CDK13: variants seen among roughly 807,000 people sequenced by gnomAD.
CDK13 encodes cyclin-dependent kinase 13.
Under a neutral mutation model 137.6 loss-of-function variants are expected in CDK13, and 40 were observed. The ratio of observed to expected loss-of-function variants is 0.29; its 90% CI spans 0.23 to 0.38. The LOEUF is 0.38. Ranked by LOEUF, CDK13 falls within the 10% of genes least tolerant of loss-of-function variation. The probability of loss-of-function intolerance (pLI) is 1.00; values close to 1 mark genes in which losing one functional copy is unlikely to be tolerated. For missense variants in CDK13, 1,704 were observed against 1,951.8 expected (o/e 0.87, Z 2.39); for synonymous variants, 869 against 760.1 (o/e 1.14, Z -2.36).
At chr7:40,041,542 A>G (rs1190747132) in intron 5 of CDK13, among the ~76,000 whole-genome samples, 3 of 152,062 alleles carry the variant, frequency 2.0e-5, no homozygotes, top group East Asian at 1.9e-4. Context: ...AACTCGTAGC[A>G]TTTTTTAACT....
chr7:39,976,866 C>T (rs979504245), intron 1 of CDK13, among the ~76,000 whole-genome samples: 2 of 152,020 alleles, frequency 1.3e-5, no homozygotes, highest in African/African-American at 2.4e-5. Flanking sequence ...GACTGCTGTA[C>T]GGTATTTGTT....
intron 5 of CDK13, among the ~76,000 whole-genome samples, chr7:40,034,437 G>A (rs1785441889): frequency 6.6e-6 from 1 of 152,042 alleles, no homozygotes. Flanking sequence ...CCAGAAACCG[G>A]TCATCTGCAG....
chr7:40,010,736 C>T (rs866753618), intron 5 of CDK13, among the ~76,000 whole-genome samples: 7 of 152,140 alleles, frequency 4.6e-5, no homozygotes, highest in African/African-American at 1.4e-4. Flanking sequence ...ATCTGCTGTG[C>T]GGCCTGGTTC....
chr7:40,078,713 A>G lies in CDK13; in HGVS notation c.2898-7A>G, dbSNP rs1174868466. The G allele has an allele frequency of 6.8e-7, 1 of 1,475,008 alleles. No homozygotes were observed. Among genetic ancestry groups the G allele is most frequent in the Non-Finnish European group, 9.0e-7 (1 of 1,107,978 alleles). The allele number at this position is 1,475,008 out of a possible 1,614,324, so 91.4% of individuals were successfully genotyped here. On this transcript the variant is annotated splice_polypyrimidine_tract_variant and splice_region_variant and intron_variant, in intron 10 of 13. Transcript: ENST00000181839. ...CACATCTAACTTTTGTAATCCTCTC[A>G]TGCTAGTATTCCTGCAGCTGCGCTA...
intron 5 of CDK13, among the ~76,000 whole-genome samples, chr7:40,003,206 A>ACACACTCTCTCTCTCTCTCT (rs374470130): frequency 1.0e-4 from 8 of 79,902 alleles, no homozygotes; most frequent in African/African-American, 3.8e-4. Context: ...ACACACACAC[A>ACACACTCTCTCTCTCTCTCT]CTCTCTCTCT....
chr7:39,963,175 C>G (rs1454137749), intron 1 of CDK13, among the ~76,000 whole-genome samples: 1 of 152,038 alleles, frequency 6.6e-6, no homozygotes, highest in Non-Finnish European at 1.5e-5. Context: ...TCATTGGTAG[C>G]TTGATGGGGA....
At chr7:40,008,135 A>T (rs1393206732) in intron 5 of CDK13, among the ~76,000 whole-genome samples, 2 of 152,212 alleles carry the variant, frequency 1.3e-5, no homozygotes, top group African/African-American at 4.8e-5. Context: ...TGATTTGTTC[A>T]TTCTTTCTTT....
chr7:40,030,528 G>A (rs924919346), intron 5 of CDK13, among the ~76,000 whole-genome samples: 3 of 147,766 alleles, frequency 2.0e-5, no homozygotes, highest in Admixed American at 7.0e-5. Flanking sequence ...AGCCTCCTGA[G>A]CAGCTGGGAT....
chr7:40,077,620 C>G (rs1237838354), intron 9 of CDK13, among the ~76,000 whole-genome samples: 2 of 152,102 alleles, frequency 1.3e-5, no homozygotes, highest in East Asian at 1.9e-4. Context: ...TTTGGGAGGC[C>G]TAGGCAGGTG....
At chr7:40,061,913 T>A (rs1217711877) in intron 7 of CDK13, 1 of 152,218 alleles carries the variant, frequency 6.6e-6, no homozygotes, top group Non-Finnish European at 1.5e-5. Context: ...ATTTATGTCC[T>A]CTTTTCGGAA....
At chr7:40,012,637 G>A (rs1036573561) in intron 5 of CDK13, among the ~76,000 whole-genome samples, 5 of 151,714 alleles carry the variant, frequency 3.3e-5, no homozygotes, top group African/African-American at 1.2e-4. Flanking sequence ...TCTGAAGGCC[G>A]GGTGCAGTGG....
chr7:40,007,680 G>T (rs911624879), intron 5 of CDK13, among the ~76,000 whole-genome samples: 2 of 151,930 alleles, frequency 1.3e-5, no homozygotes, highest in Non-Finnish European at 2.9e-5. Flanking sequence ...CACCCACCTC[G>T]GCCTCCCAAA....
At chr7:39,983,568 A>G (rs1162291126) in intron 1 of CDK13, among the ~76,000 whole-genome samples, 1 of 152,200 alleles carries the variant, frequency 6.6e-6, no homozygotes, top group East Asian at 1.9e-4. Flanking sequence ...GATAAGATTC[A>G]CTGATTGTAA....
chr7:40,036,714 A>C (rs993369384), intron 5 of CDK13, among the ~76,000 whole-genome samples: 4 of 151,864 alleles, frequency 2.6e-5, no homozygotes, highest in Admixed American at 1.3e-4. Context: ...AAAAAAAAAA[A>C]CAAAAAACTC....
chr7:39,958,420 A>G (rs1369902449), intron 1 of CDK13, among the ~76,000 whole-genome samples: 2 of 152,202 alleles, frequency 1.3e-5, no homozygotes, highest in African/African-American at 2.4e-5. Flanking sequence ...CCGTTAGTAT[A>G]GAAAAGTATA....
In CDK13 at chr7:39,999,551, T is replaced by G. The variant is rs1204859397; in HGVS notation, c.2182+51T>G. 6.6e-6 allele frequency: 10 copies of G among 1,523,000 alleles called. No homozygotes were observed. The South Asian group carries it at 1.3e-4, about 19-fold the overall frequency. 94.3% of individuals were successfully genotyped at this position (1,523,000 alleles called of 1,614,324 possible). On this transcript the variant is annotated intron_variant, in intron 4 of 13. Transcript: ENST00000181839. ...TTTGGGCCTACGGAATGTACTTAGT[T>G]TGTGTTTCTCTTCTGATGTTTGGCT...
chr7:39,950,857 C>T lies in CDK13; in HGVS notation c.216C>T (p.Ala72=), dbSNP rs944448532. 10 of 1,370,544 alleles carry T rather than the reference C, an allele frequency of 7.3e-6. No homozygotes were observed. Among genetic ancestry groups the T allele is most frequent in the African/African-American group, 6.1e-5 (4 of 65,340 alleles). The allele number at this position is 1,370,544 out of a possible 1,614,324, so 84.9% of individuals were successfully genotyped here. A position where few individuals can be genotyped will look rare whatever the true frequency, so the allele number is the denominator to read the frequency against. The change falls in exon 1 of 14, where the codon GCC becomes GCT. Residue 72 remains alanine, a synonymous_variant. Coordinates refer to ENST00000181839, the MANE Select transcript of CDK13 (RefSeq NM_003718.5). ...AAPGTAAAAA[A]AAAASSSCFS... is the part of the protein sequence containing the mutation. ...CCGGCACGGCCGCCGCCGCAGCCGC[C>T]GCCGCCGCGGCCTCCTCCTCTTGCT...
rs898327274 is a variant in CDK13, at chr7:39,951,555, C to G, written c.914C>G (p.Thr305Ser). ...CCCAAGGCCTACCGGGAGGACAAGA[C>G]CGAGCCTAAGGCCTACAGGCGGCGG... ...EPPKAYREDKTEPKAYRRRRS... is the reference protein window; with the variant it reads ...EPPKAYREDKSEPKAYRRRRS... Residue 305 changes from threonine to serine, a missense_variant, in exon 1 of 14, where the codon ACC becomes AGC. Coordinates refer to ENST00000181839, the MANE Select transcript of CDK13 (RefSeq NM_003718.5). The G allele has an allele frequency of 3.9e-6, 6 of 1,538,014 alleles. No individual in the cohort carries two copies. The highest frequency in any genetic ancestry group is 2.4e-5 in the South Asian group (2 of 82,638).
chr7:40,080,452 T>C (rs1239171716), intron 11 of CDK13, among the ~76,000 whole-genome samples: 1 of 152,186 alleles, frequency 6.6e-6, no homozygotes, highest in Non-Finnish European at 1.5e-5. Context: ...AGATAGTGCT[T>C]ATTATATTTC....
Sources: gnomAD v4.1 joint callset for allele counts (sites outside exome capture counted in the v4.1 genomes callset) on GRCh38, gnomAD v4.1.1 for gene constraint, MANE v1.5 for transcripts, NCBI Gene and HGNC (gene_info 2026-07-23, HGNC 2026-07-21) for gene names.